The following ADAMTS12 variants were observed in gnomAD, a reference collection of about 807,000 sequenced individuals.
ADAMTS12 encodes the protein ADAM metallopeptidase with thrombospondin type 1 motif 12.
A neutral mutation model predicts 167.8 loss-of-function variants in ADAMTS12; 118 were observed. The ratio of observed to expected loss-of-function variants is 0.70; its 90% CI spans 0.61 to 0.82. The LOEUF (loss-of-function observed/expected upper bound fraction) is 0.82, where lower values mean the gene tolerates loss of function less well. ADAMTS12 is among the 40% of genes least tolerant of loss of function. The pLI, the probability that ADAMTS12 is intolerant of heterozygous loss-of-function variation, is 0.00. For missense variants in ADAMTS12, 1,916 were observed against 1,998.8 expected, an observed-to-expected ratio of 0.96 and a Z score of 0.79; for synonymous variants, 704 against 716.9, an observed-to-expected ratio of 0.98 and a Z score of 0.29.
At chr5:33,572,155 A>C (rs1329083685) in intron 19 of ADAMTS12, among the ~76,000 whole-genome samples, 3 of 152,284 alleles carry the variant, frequency 2.0e-5, no homozygotes, top group Non-Finnish European at 2.9e-5. Context: ...TCACAGCTGA[A>C]TTCTACCAGA....
chr5:33,881,922 T>A (rs1171313780), intron 1 of ADAMTS12, among the ~76,000 whole-genome samples: 1 of 152,020 alleles, frequency 6.6e-6, no homozygotes, highest in African/African-American at 2.4e-5. Context: ...AGTTTAGAGA[T>A]CCTTTCCATC....
intron 2 of ADAMTS12, among the ~76,000 whole-genome samples, chr5:33,834,169 G>T (rs1748418113): frequency 6.6e-6 from 1 of 152,132 alleles, no homozygotes; most frequent in Non-Finnish European, 1.5e-5. Context: ...TTGGATTAAG[G>T]TCTGATTTTA....
chr5:33,640,264 C>G (rs553526892), intron 11 of ADAMTS12, among the ~76,000 whole-genome samples: 2 of 152,182 alleles, frequency 1.3e-5, no homozygotes, highest in Admixed American at 1.3e-4. Context: ...TCCACTCACC[C>G]AAAGAGACTC....
rs780978022 is a variant in ADAMTS12, at chr5:33,756,373, G to A, written c.490-4825C>T. 4.6e-5 allele frequency among the ~76,000 whole-genome samples: 7 copies of A among 152,290 alleles called. No individual in the cohort carries two copies. In the South Asian group the frequency reaches 8.3e-4, roughly 18 times the overall value. On this transcript the variant is annotated intron_variant, in intron 2 of 23. Transcript: ENST00000504830. ...CCACTGAGAGTGGCTGCTTTTAGGCGGCGAAGCCAAGATTGAACTTCCACA... is the reference window on the plus strand; with the variant it reads ...CCACTGAGAGTGGCTGCTTTTAGGCAGCGAAGCCAAGATTGAACTTCCACA...
chr5:33,587,358 T>C (rs1747412094), intron 18 of ADAMTS12, among the ~76,000 whole-genome samples: 1 of 152,240 alleles, frequency 6.6e-6, no homozygotes, highest in Non-Finnish European at 1.5e-5. Context: ...CCCATTCTAA[T>C]TGACTTTCTG....
At chr5:33,649,423 G>T in intron 8 of ADAMTS12, 131 bp downstream of exon 8, 2 of 1,171,372 alleles carry the variant, frequency 1.7e-6, no homozygotes, top group East Asian at 2.6e-5. Flanking sequence ...CCCTTCTGAT[G>T]CCACCCTGAC....
chr5:33,615,580 C>T (rs2112096779), intron 15 of ADAMTS12, among the ~76,000 whole-genome samples: 1 of 152,218 alleles, frequency 6.6e-6, no homozygotes, highest in South Asian at 2.1e-4. Context: ...TTAAATCAGC[C>T]CAGAAGCTGA....
At chr5:33,818,222 T>C (rs956424838) in intron 2 of ADAMTS12, among the ~76,000 whole-genome samples, 1 of 152,078 alleles carries the variant, frequency 6.6e-6, no homozygotes, top group African/African-American at 2.4e-5. Context: ...ATTTTATATA[T>C]ATCTTATATA....
At chr5:33,704,927 TG>T (rs924992051) in intron 3 of ADAMTS12, among the ~76,000 whole-genome samples, 8 of 152,182 alleles carry the variant, frequency 5.3e-5, no homozygotes, top group Non-Finnish European at 1.0e-4. Context: ...TGTTTAGAAA[TG>T]TTTTTTTCCT....
At chr5:33,880,675 T>C (rs1159609562) in intron 2 of ADAMTS12, among the ~76,000 whole-genome samples, 1 of 152,272 alleles carries the variant, frequency 6.6e-6, no homozygotes, top group African/African-American at 2.4e-5. Context: ...TCATGAAGTC[T>C]GATTACGAAG....
chr5:33,586,874 T>G (rs1741871999), intron 18 of ADAMTS12, among the ~76,000 whole-genome samples: 1 of 152,222 alleles, frequency 6.6e-6, no homozygotes, highest in African/African-American at 2.4e-5. Context: ...CACTGATGTG[T>G]GTACATACAT....
intron 3 of ADAMTS12, among the ~76,000 whole-genome samples, chr5:33,729,661 C>T (rs376849132): frequency 2.6e-5 from 4 of 152,234 alleles, no homozygotes; most frequent in South Asian, 4.2e-4. Context: ...ATGTGAGCCC[C>T]GGTGGGATGG....
intron 7 of ADAMTS12, among the ~76,000 whole-genome samples, chr5:33,650,622 C>T (rs1740836710): frequency 6.6e-6 from 1 of 152,228 alleles, no homozygotes; most frequent in Admixed American, 6.5e-5. Context: ...TGTTCCCTGA[C>T]CTTCCATTGC....
intron 2 of ADAMTS12, among the ~76,000 whole-genome samples, chr5:33,756,281 A>C (rs1238176495): frequency 6.6e-6 from 1 of 152,234 alleles, no homozygotes; most frequent in African/African-American, 2.4e-5. Flanking sequence ...CCTTCCCCAC[A>C]GAACACAGCC....
chr5:33,558,145 A>C (rs1012590046), intron 20 of ADAMTS12, among the ~76,000 whole-genome samples: 4 of 152,154 alleles, frequency 2.6e-5, no homozygotes, highest in African/African-American at 4.8e-5. Context: ...GAATCATCCC[A>C]AAACCATTCC....
rs368311933 is a variant in ADAMTS12 at position 33,891,744 on chromosome 5, G to T, written c.113C>A (p.Pro38Gln). The T allele has an allele frequency of 4.3e-6, 7 of 1,614,146 alleles. No individual in the cohort carries two copies. Among genetic ancestry groups the T allele is most frequent in the South Asian group, 1.1e-5 (1 of 91,074 alleles). ...GAGTCACTAACCTTGCCTCCTGTCC[G>T]GGAAGCGAACCGGGCCTGGCTGAGG... ...RQPQPGPVRF[P>Q]DRRQEHFIKG... The change falls in exon 1 of 24, where the codon CCG becomes CAG. Residue 38 changes from proline to glutamine, a missense_variant. Coordinates refer to ENST00000504830, the MANE Select transcript of ADAMTS12 (RefSeq NM_030955.4).
chr5:33,720,110 T>A (rs972790749), intron 3 of ADAMTS12, among the ~76,000 whole-genome samples: 1 of 152,052 alleles, frequency 6.6e-6, no homozygotes, highest in Non-Finnish European at 1.5e-5. Context: ...CATCCAGACA[T>A]CCATGATTGA....
At chr5:33,637,265 G>C (rs773141655) in intron 12 of ADAMTS12, among the ~76,000 whole-genome samples, 1 of 152,116 alleles carries the variant, frequency 6.6e-6, no homozygotes. Context: ...CCATCAACAA[G>C]CAATTAGTTA....
rs141696317 is a variant in ADAMTS12, at chr5:33,746,258, T to C, written c.634+5146A>G. Among the ~76,000 whole-genome samples the C allele has an allele frequency of 6.0e-4, 91 of 152,308 alleles. No individual in the cohort carries two copies. The East Asian group carries it at 0.016, about 26-fold the overall frequency. On this transcript the variant is annotated intron_variant, in intron 3 of 23. Coordinates refer to ENST00000504830, the MANE Select transcript of ADAMTS12 (RefSeq NM_030955.4). ...ATGTTAAACTCAATGTGGAGTATGGTGGTCACTTAGAATCTTCAACTCACT... is the reference window on the plus strand; with the variant it reads ...ATGTTAAACTCAATGTGGAGTATGGCGGTCACTTAGAATCTTCAACTCACT...
Sources: gnomAD v4.1 joint callset for allele counts (sites outside exome capture counted in the v4.1 genomes callset) on GRCh38, gnomAD v4.1.1 for gene constraint, MANE v1.5 for transcripts, NCBI Gene and HGNC (gene_info 2026-07-23, HGNC 2026-07-21) for gene names.